Variants in POLR2F observed in about 807,000 individuals in gnomAD.
The protein encoded by POLR2F is DNA-directed RNA polymerases I, II, and III subunit RPABC2.
POLR2F carries 12 observed loss-of-function variants against 22.7 expected under a neutral mutation model. The ratio of observed to expected loss-of-function variants is 0.53; its 90% CI spans 0.34 to 0.86. The LOEUF (loss-of-function observed/expected upper bound fraction) is 0.86. Ranked by LOEUF, POLR2F falls within the 40% of genes least tolerant of loss-of-function variation. The probability of loss-of-function intolerance (pLI) is 0.02; values close to 1 mark genes in which losing one functional copy is unlikely to be tolerated. For missense variants in POLR2F, 126 were observed against 171.5 expected (o/e 0.73, Z 1.48); for synonymous variants, 57 against 66.0 (o/e 0.86, Z 0.66).
chr22:37,987,454 T>C, intron 1 of POLR2F: 1 of 364,102 alleles, frequency 2.7e-6, no homozygotes, highest in Admixed American at 3.4e-5. Context: ...AGGGAGCTGG[T>C]CCGGCTTTAT....
intron 5 of POLR2F, chr22:38,032,021 A>G (rs1400400753): frequency 6.6e-6 from 1 of 151,834 alleles, no homozygotes; most frequent in Non-Finnish European, 1.5e-5. Context: ...TTTTTGAGAC[A>G]GGGTCTTGCT....
chr22:38,026,345 A>G, exon 3 of POLR2F: 1 of 525,522 alleles, frequency 1.9e-6, no homozygotes, highest in South Asian at 1.4e-5. Flanking sequence ...CCCAGGACCC[A>G]GCCCTTTCTC....
intron 3 of POLR2F, among the ~76,000 whole-genome samples, chr22:37,964,924 T>A (rs910440548): frequency 1.3e-5 from 2 of 152,064 alleles, no homozygotes; most frequent in Non-Finnish European, 2.9e-5. Context: ...CATTCCAGTC[T>A]TTAGTGCTCT....
At chr22:37,955,259 C>T (rs1601860584) in intron 1 of POLR2F, among the ~76,000 whole-genome samples, 1 of 144,668 alleles carries the variant, frequency 6.9e-6, no homozygotes, top group South Asian at 2.2e-4. Flanking sequence ...GCTGATGGGG[C>T]CGGGTGCTGT....
exon 2 of POLR2F, chr22:38,025,909 A>T (rs1194293934): frequency 3.9e-6 from 3 of 764,516 alleles, no homozygotes; most frequent in Non-Finnish European, 7.1e-6. Context: ...TCTACATGGG[A>T]TGGACTCAGG....
At chr22:38,022,898 C>A (rs1385093782) in intron 1 of POLR2F, among the ~76,000 whole-genome samples, 10 of 152,070 alleles carry the variant, frequency 6.6e-5, no homozygotes, top group Non-Finnish European at 7.4e-5. Context: ...GTAATCCCAG[C>A]TACTCGGGAG....
rs929834035 is a variant in POLR2F at position 37,974,357 on chromosome 22, G to GTT, written c.293+7198_293+7199dup. Reference sequence around the variant, plus strand: ...GGCAGCATGAGTCGGGTTTTTTTTTGTTTTTTTTTTTTGAGATGGAGTTTC... The same window carrying GTT: ...GGCAGCATGAGTCGGGTTTTTTTTTGTTTTTTTTTTTTTTGAGATGGAGTTTC... On this transcript the variant is annotated intron_variant, in intron 4 of 4. Coordinates refer to the POLR2F transcript ENST00000405557. The surrounding 1 kb of genome is among the most constrained non-coding windows in gnomAD (Gnocchi z 5.4). 7.8e-5 allele frequency among the ~76,000 whole-genome samples: 11 copies of GTT among 141,834 alleles called. No homozygotes were observed. The highest frequency in any genetic ancestry group is 2.1e-4 in the East Asian group (1 of 4,858). The allele number at this position is 141,834 out of a possible 152,430, so 93.0% of individuals were successfully genotyped here.
chr22:38,009,225 G>A (rs568456638), intron 1 of POLR2F, among the ~76,000 whole-genome samples: 86 of 152,298 alleles, frequency 5.6e-4, no homozygotes, highest in African/African-American at 2.0e-3. Context: ...ACATGGGCTC[G>A]TACTCCAAGG....
intron 4 of POLR2F, among the ~76,000 whole-genome samples, chr22:37,981,064 C>T (rs900414886): frequency 2.0e-5 from 3 of 152,230 alleles, no homozygotes; most frequent in Non-Finnish European, 4.4e-5. Context: ...GTTAGAATGA[C>T]TGTTGGGGCT....
intron 2 of POLR2F, chr22:38,026,157 C>T (rs769683929): frequency 1.5e-5 from 8 of 533,178 alleles, no homozygotes; most frequent in African/African-American, 3.8e-5. Flanking sequence ...GGTAGGCGGG[C>T]ACCAGGTTGG....
Position 37,986,217 on chromosome 22 carries a change from C to A in POLR2F, c.27C>A (p.Asp9Glu). 6.5e-7 allele frequency: 1 copy of A among 1,542,030 alleles called. No individual in the cohort carries two copies. The stretch of plus-strand genomic sequence containing the variant: ...CCTGGATGGACAGAGGGACGAGGGA[C>A]GAGCATCTGCCGTCGTGTCCCGGCT... Residue 9 changes from aspartate (D) to glutamate (E), a missense_variant, in exon 1 of 3, where the codon GAC (aspartate) becomes GAA (glutamate). Physicochemically the swap from Asp to Glu is conservative, Grantham distance 45. Coordinates refer to the POLR2F transcript ENST00000333418. This position sits in a 1 kb window ranked among gnomAD's most constrained non-coding sequence, Gnocchi z 4.7.
In POLR2F at chr22:38,016,231, T is replaced by A. The variant is rs565217981; in HGVS notation, c.121-9638T>A. ...GGGCCAAAGCCTGGGGTCATCATCA[T>A]GTAGACCCAAAGTGGGCTCTGACCA... On this transcript the variant is annotated intron_variant, in intron 1 of 2. Coordinates refer to the POLR2F transcript ENST00000333418. This position sits in a 1 kb window ranked among gnomAD's most constrained non-coding sequence, Gnocchi z 4.4. Among the ~76,000 whole-genome samples the A allele has an allele frequency of 1.4e-4, 21 of 152,314 alleles. No homozygotes were observed. The South Asian group carries it at 4.3e-3, about 32-fold the overall frequency.
chr22:38,028,584 G>T (rs1045932176), downstream of POLR2F, among the ~76,000 whole-genome samples: 2 of 152,154 alleles, frequency 1.3e-5, no homozygotes, highest in Non-Finnish European at 2.9e-5. Context: ...GCATGAATGT[G>T]TGTATGTGTG....
In POLR2F at chr22:38,017,690, GTC is replaced by G. The variant is rs2084926871; in HGVS notation, c.121-8173_121-8172del. On this transcript the variant is annotated intron_variant, in intron 1 of 2. Transcript: ENST00000333418. The surrounding 1 kb of genome is among the most constrained non-coding windows in gnomAD (Gnocchi z 4.1). ...GGCCTCTCCCTGCAACTTCCTGTAG[GTC>G]TCTCTGTAGCACCAGCCAAGAAGTC... 6.6e-6 allele frequency among the ~76,000 whole-genome samples: 1 copy of G among 152,116 alleles called. No individual in the cohort carries two copies. Among genetic ancestry groups the G allele is most frequent in the African/African-American group, 2.4e-5 (1 of 41,410 alleles).
At position 38,023,676 on chromosome 22, in the gene POLR2F, C is replaced by T. The variant is rs77743526; in HGVS notation, c.121-2193C>T. On this transcript the variant is annotated intron_variant, in intron 1 of 2. Transcript: ENST00000333418. The stretch of plus-strand genomic sequence containing the variant: ...CATTCTTCTGTCTCTATGATTTTTG[C>T]TTTTTTTTCTTTTTGGGATGGAGTC... 9.8e-3 allele frequency among the ~76,000 whole-genome samples: 1,489 copies of T among 151,522 alleles called. 28 individuals carry two copies. Among genetic ancestry groups the T allele is most frequent in the African/African-American group, 0.035 (1,441 of 41,254 alleles).
Position 37,980,478 on chromosome 22 carries a change from C to T in POLR2F, c.293+13308C>T, listed in dbSNP as rs1285468237. 6.6e-6 allele frequency among the ~76,000 whole-genome samples: 1 copy of T among 152,148 alleles called. No homozygotes were observed. Among genetic ancestry groups the T allele is most frequent in the Non-Finnish European group, 1.5e-5 (1 of 68,008 alleles). On this transcript the variant is annotated intron_variant, in intron 4 of 4. Transcript: ENST00000405557. The surrounding 1 kb of genome is among the most constrained non-coding windows in gnomAD (Gnocchi z 4.1). Reference sequence around the variant, plus strand: ...CTCCTAAGCTAGTTCCCAGCATTAGCCTAACCCTGACAGAAATCTAAGCCT... The same window carrying T: ...CTCCTAAGCTAGTTCCCAGCATTAGTCTAACCCTGACAGAAATCTAAGCCT...
chr22:38,027,045 TG>T, downstream of POLR2F, among the ~76,000 whole-genome samples: 1 of 152,022 alleles, frequency 6.6e-6, no homozygotes, highest in East Asian at 1.9e-4. Flanking sequence ...GCTCACTGGA[TG>T]GTGATGGCCT....
upstream of POLR2F, among the ~76,000 whole-genome samples, chr22:37,981,910 G>A (rs903353433): frequency 1.3e-5 from 2 of 152,178 alleles, no homozygotes; most frequent in African/African-American, 4.8e-5. Context: ...AGGGGCACCA[G>A]GTCTTCAGCA....
intron 1 of POLR2F, among the ~76,000 whole-genome samples, chr22:37,993,372 G>A (rs1932757085): frequency 6.6e-6 from 1 of 152,212 alleles, no homozygotes; most frequent in Non-Finnish European, 1.5e-5. Flanking sequence ...GGCAGGAAGG[G>A]AGCTCAGCCC....
Sources: allele counts gnomAD v4.1 joint callset (sites outside exome capture counted in the v4.1 genomes callset), GRCh38; gene constraint gnomAD v4.1.1; non-coding constraint Gnocchi (gnomAD v3.1); transcripts MANE v1.5; gene names NCBI Gene and HGNC (gene_info 2026-07-23, HGNC 2026-07-21).